Variants in TDRD5 observed in about 807,000 individuals in gnomAD.
TDRD5 encodes tudor domain containing 5.
Under a neutral mutation model 120.6 loss-of-function variants are expected in TDRD5, and 41 were observed. The observed-to-expected ratio is 0.34, with a 90% CI of 0.26 to 0.44. The LOEUF is 0.44. Among genes scored for constraint, TDRD5 ranks in the 20% least tolerant of loss-of-function variants. TDRD5 has a pLI of 1.00. For missense variants in TDRD5, 1,006 were observed against 1,221.2 expected, an observed-to-expected ratio of 0.82 and a Z score of 2.63; for synonymous variants, 430 against 433.7, an observed-to-expected ratio of 0.99 and a Z score of 0.11.
chr1:179,666,196 A>G (rs1056640655), intron 16 of TDRD5, among the ~76,000 whole-genome samples: 1 of 152,196 alleles, frequency 6.6e-6, no homozygotes, highest in Non-Finnish European at 1.5e-5. Flanking sequence ...CATCATAAGC[A>G]GTTTCTTGTG....
chr1:179,645,352 T>C (rs1324451187), intron 11 of TDRD5, among the ~76,000 whole-genome samples: 1 of 152,140 alleles, frequency 6.6e-6, no homozygotes, highest in Non-Finnish European at 1.5e-5. Flanking sequence ...CCCAAAGTGC[T>C]GGGATTACAG....
At chr1:179,598,840 C>T (rs954509108) in intron 4 of TDRD5, among the ~76,000 whole-genome samples, 1 of 152,048 alleles carries the variant, frequency 6.6e-6, no homozygotes, top group Non-Finnish European at 1.5e-5. Context: ...TTTACTTCCT[C>T]CTTTTCAATC....
rs1677882988 is a variant in TDRD5, at chr1:179,638,373, G to C, written c.1521-1466G>C. 1.6e-5 allele frequency among the ~76,000 whole-genome samples: 2 copies of C among 127,786 alleles called. 1 individual carries two copies. The allele number at this position is 127,786 out of a possible 152,430, so 83.8% of individuals were successfully genotyped here. A position where few individuals can be genotyped will look rare whatever the true frequency, so the allele number is the denominator to read the frequency against. ...ACTGTTTGCTTTAGAGACTGGGCAG[G>C]TTTGAGCTGGGGTGAAAACTTATTA... On this transcript the variant is annotated intron_variant, in intron 9 of 17. Transcript: ENST00000444136.
chr1:179,627,434 G>C (rs1677189674), intron 6 of TDRD5, among the ~76,000 whole-genome samples: 1 of 152,158 alleles, frequency 6.6e-6, no homozygotes, highest in African/African-American at 2.4e-5. Flanking sequence ...GAAGAAGAAA[G>C]GGTGAACATA....
intron 11 of TDRD5, among the ~76,000 whole-genome samples, chr1:179,650,397 T>C (rs1678646538): frequency 1.2e-5 from 1 of 85,932 alleles, no homozygotes; most frequent in Non-Finnish European, 2.4e-5. Flanking sequence ...CAAGACTCTG[T>C]CTCAAAAAAA....
chr1:179,635,645 A>G (rs995713799), intron 8 of TDRD5, 22 bp from the exon 9 acceptor site: 3 of 1,518,154 alleles, frequency 2.0e-6, no homozygotes, highest in Non-Finnish European at 2.7e-6. Flanking sequence ...GAGATTTTTA[A>G]TTTTTTTTTT....
intron 11 of TDRD5, among the ~76,000 whole-genome samples, chr1:179,645,155 G>A (rs1188544532): frequency 1.5e-4 from 21 of 140,622 alleles, no homozygotes; most frequent in African/African-American, 5.1e-4. Context: ...GCGGGATCTC[G>A]GCTCACTGCA....
chr1:179,647,872 A>G (rs999995225), intron 11 of TDRD5, among the ~76,000 whole-genome samples: 2 of 147,392 alleles, frequency 1.4e-5, no homozygotes, highest in Non-Finnish European at 1.5e-5. Flanking sequence ...GCCATCAGAG[A>G]AATGCAAATC....
chr1:179,599,767 CT>C (rs1171786782), intron 4 of TDRD5, among the ~76,000 whole-genome samples: 2 of 152,130 alleles, frequency 1.3e-5, no homozygotes, highest in African/African-American at 4.8e-5. Context: ...CATAATGACA[CT>C]TGTGTCAACA....
intron 11 of TDRD5, among the ~76,000 whole-genome samples, chr1:179,645,621 T>A (rs563251633): frequency 6.6e-6 from 1 of 152,340 alleles, no homozygotes; most frequent in South Asian, 2.1e-4. Context: ...TGTGTGAAAC[T>A]CTTATTCGTT....
At chr1:179,651,952 T>C in intron 12 of TDRD5, 87 bp from the exon 13 acceptor site, 1 of 1,370,504 alleles carries the variant, frequency 7.3e-7, no homozygotes, top group Non-Finnish European at 1.0e-6. Flanking sequence ...TATACTTCCA[T>C]AGCATTTGAA....
intron 7 of TDRD5, among the ~76,000 whole-genome samples, chr1:179,631,148 T>C (rs999077924): frequency 6.6e-6 from 1 of 152,176 alleles, no homozygotes; most frequent in Non-Finnish European, 1.5e-5. Context: ...TCCCAGCACT[T>C]TGGGAGGCCG....
At chr1:179,613,269 A>G (rs1190053016) in intron 4 of TDRD5, among the ~76,000 whole-genome samples, 1 of 152,220 alleles carries the variant, frequency 6.6e-6, no homozygotes, top group Non-Finnish European at 1.5e-5. Context: ...ATTAACAATT[A>G]TCAGAAGGAG....
intron 4 of TDRD5, among the ~76,000 whole-genome samples, chr1:179,616,070 C>T (rs936222483): frequency 6.6e-6 from 1 of 152,066 alleles, no homozygotes; most frequent in Non-Finnish European, 1.5e-5. Context: ...CCTTTTCCCA[C>T]AGCCATTTAA....
At chr1:179,612,069 TTG>T (rs2101947713) in intron 4 of TDRD5, among the ~76,000 whole-genome samples, 1 of 152,326 alleles carries the variant, frequency 6.6e-6, no homozygotes, top group South Asian at 2.1e-4. Flanking sequence ...CTCTACAAGT[TTG>T]TGTTTTTATG....
At chr1:179,633,193 A>G (rs1042971898) in intron 7 of TDRD5, among the ~76,000 whole-genome samples, 2 of 152,116 alleles carry the variant, frequency 1.3e-5, no homozygotes, top group Non-Finnish European at 2.9e-5. Flanking sequence ...AGTTATATAT[A>G]ATAATAATGT....
chr1:179,688,226 G>GT (rs1476447254), intron 17 of TDRD5, among the ~76,000 whole-genome samples: 2 of 152,126 alleles, frequency 1.3e-5, no homozygotes, highest in East Asian at 3.8e-4. Context: ...AGGAGCTGTT[G>GT]TAAAGCAGGC....
intron 7 of TDRD5, among the ~76,000 whole-genome samples, chr1:179,632,606 C>CT (rs879311747): frequency 6.6e-6 from 1 of 152,002 alleles, no homozygotes; most frequent in African/African-American, 2.4e-5. Context: ...ATAGATAGAT[C>CT]TTTTTTTTTA....
chr1:179,624,663 A>T (rs1677023886), intron 6 of TDRD5, among the ~76,000 whole-genome samples: 1 of 152,182 alleles, frequency 6.6e-6, no homozygotes, highest in Admixed American at 6.5e-5. Flanking sequence ...TCGTCAAATT[A>T]CTTGGAAATA....
Sources: allele counts gnomAD v4.1 joint callset (sites outside exome capture counted in the v4.1 genomes callset), GRCh38; gene constraint gnomAD v4.1.1; transcripts MANE v1.5; gene names NCBI Gene and HGNC (gene_info 2026-07-23, HGNC 2026-07-21).